The following SPTA1 variants were observed in gnomAD, a reference collection of about 807,000 sequenced individuals.
The protein encoded by SPTA1 is spectrin alpha chain, erythrocytic 1.
In SPTA1, 177 loss-of-function variants were observed where a neutral mutation model predicts 324.7. That is an observed-to-expected ratio of 0.55 (90% CI 0.48 to 0.62). SPTA1 has a LOEUF of 0.62. SPTA1 is among the 20% of genes least tolerant of loss of function. The pLI is 0.00. For missense variants in SPTA1, 3,162 were observed against 2,883.6 expected, an observed-to-expected ratio of 1.10 and a Z score of -2.21; for synonymous variants, 1,195 against 1,041.3, an observed-to-expected ratio of 1.15 and a Z score of -2.84.
intron 42 of SPTA1, 146 bp downstream of exon 42, chr1:158,626,000 T>C (rs1650242175): frequency 1.5e-6 from 1 of 652,740 alleles, no homozygotes. Context: ...GAAAAAATAA[T>C]AATTAGGAAA....
At chr1:158,633,775 G>A (rs1273271042) in intron 39 of SPTA1, among the ~76,000 whole-genome samples, 1 of 152,076 alleles carries the variant, frequency 6.6e-6, no homozygotes, top group Non-Finnish European at 1.5e-5. Context: ...GCAGTGGGGT[G>A]CACATGCATG....
intron 42 of SPTA1, among the ~76,000 whole-genome samples, chr1:158,623,703 T>C (rs532542453): frequency 1.3e-5 from 2 of 152,360 alleles, no homozygotes; most frequent in African/African-American, 4.8e-5. Flanking sequence ...CCAGCCATGC[T>C]AAAATACGTC....
chr1:158,683,333 C>A (rs1654938503), intron 3 of SPTA1, 38 bp downstream of exon 3: 2 of 1,612,258 alleles, frequency 1.2e-6, no homozygotes, highest in South Asian at 1.1e-5. Context: ...ATAACATAAT[C>A]AATAATTGGA....
chr1:158,624,749 C>T (rs749313763), intron 42 of SPTA1, among the ~76,000 whole-genome samples: 2 of 152,096 alleles, frequency 1.3e-5, no homozygotes, highest in African/African-American at 2.4e-5. Flanking sequence ...ATTTTAGATG[C>T]CAAAACTGTA....
chr1:158,662,037 T>C (rs1399502240), intron 17 of SPTA1, among the ~76,000 whole-genome samples: 29 of 152,194 alleles, frequency 1.9e-4, no homozygotes, highest in Non-Finnish European at 2.9e-5. Flanking sequence ...CTCTAAACTT[T>C]CTTTCTTACT....
At chr1:158,632,806 G>A (rs923178534) in intron 39 of SPTA1, among the ~76,000 whole-genome samples, 6 of 150,838 alleles carry the variant, frequency 4.0e-5, no homozygotes, top group Non-Finnish European at 8.8e-5. Flanking sequence ...TTACTATATG[G>A]TTCAGTGATT....
chr1:158,681,751 G>A (rs1282604032), intron 3 of SPTA1, 84 bp from the exon 4 acceptor site: 2 of 1,578,520 alleles, frequency 1.3e-6, no homozygotes, highest in Non-Finnish European at 1.7e-6. Context: ...AAGAGACCTG[G>A]ATAAAAATTC....
chr1:158,636,819 A>G, intron 36 of SPTA1, 58 bp from the exon 37 acceptor site: 1 of 1,610,622 alleles, frequency 6.2e-7, no homozygotes, highest in East Asian at 2.2e-5. Context: ...GTCATCCTAC[A>G]GCAATAGCTT....
At chr1:158,677,971 G>T in intron 6 of SPTA1, 137 bp from the exon 7 acceptor site, 2 of 1,090,086 alleles carry the variant, frequency 1.8e-6, no homozygotes, top group Non-Finnish European at 2.7e-6. Context: ...CTAGCAAAAA[G>T]TAATATAAAA....
intron 36 of SPTA1, 140 bp from the exon 37 acceptor site, chr1:158,636,901 C>A: frequency 6.9e-7 from 1 of 1,444,306 alleles, no homozygotes; most frequent in East Asian, 2.3e-5. Context: ...TGCCAATGAC[C>A]AAAAATATAA....
chr1:158,654,758 A>T lies in SPTA1; in HGVS notation c.2899-10T>A, dbSNP rs1652706512. 1.2e-6 allele frequency: 2 copies of T among 1,613,250 alleles called. No homozygotes were observed. Among genetic ancestry groups the T allele is most frequent in the Non-Finnish European group, 1.7e-6 (2 of 1,179,890 alleles). On this transcript the variant is annotated splice_polypyrimidine_tract_variant and intron_variant, in intron 20 of 51. Transcript: ENST00000643759. The stretch of plus-strand genomic sequence containing the variant: ...GTGCAGCCTGTTGTTGCTGAATAAA[A>T]ACAGGAAGCAGGTGTCAGTCACGCA...
Position 158,656,551 on chromosome 1 carries a change from A to T in SPTA1, c.2898+13T>A, listed in dbSNP as rs1652839646. The T allele has an allele frequency of 6.2e-7, 1 of 1,607,790 alleles. No individual in the cohort carries two copies. On this transcript the variant is annotated intron_variant, in intron 20 of 51. Transcript: ENST00000643759. ...GGGAAGTGTGAATCCTGTCATCGCT[A>T]AGTTAGTCTTACCTGGCAGGCGTTT... is the stretch of plus-strand genomic sequence containing the variant.
At chr1:158,648,736 C>T (rs1557956492) in intron 25 of SPTA1, 83 bp from the exon 26 acceptor site, 2 of 1,459,712 alleles carry the variant, frequency 1.4e-6, no homozygotes, top group South Asian at 1.2e-5. Flanking sequence ...AAGTTATCAT[C>T]ACTACCACTC....
At position 158,639,766 on chromosome 1, in the gene SPTA1, A is replaced by T. The variant is rs577688088; in HGVS notation, c.4876-80T>A. The T allele has an allele frequency of 2.8e-3, 4,568 of 1,612,244 alleles. 9 individuals carry two copies. Among genetic ancestry groups the T allele is most frequent in the Non-Finnish European group, 3.4e-3 (4,023 of 1,179,228 alleles). ...AATAAGATCAGCAGCTATGTCCCCA[A>T]ACTTTTCCCAGGAAAATTCAAGGAA... On this transcript the variant is annotated intron_variant, in intron 34 of 51. Coordinates refer to ENST00000643759, the MANE Select transcript of SPTA1 (RefSeq NM_003126.4).
rs1651355300 is a variant in SPTA1 at position 158,639,388 on chromosome 1, G to A, written c.4980+194C>T. On this transcript the variant is annotated intron_variant, in intron 35 of 51. Coordinates refer to ENST00000643759, the MANE Select transcript of SPTA1 (RefSeq NM_003126.4). Reference sequence around the variant, plus strand: ...GGAATCTTAAAGTCTATAGTTTAGGGATAATTGATTATCAGTGACAGTTTT... The same window carrying A: ...GGAATCTTAAAGTCTATAGTTTAGGAATAATTGATTATCAGTGACAGTTTT... The A allele has an allele frequency of 9.5e-6, 6 of 631,562 alleles. No individual in the cohort carries two copies. The Admixed American group carries it at 1.3e-4, about 13-fold the overall frequency. 39.1% of individuals were successfully genotyped at this position (631,562 alleles called of 1,614,324 possible).
Position 158,627,717 on chromosome 1 carries a change from G to C in SPTA1, c.5572C>G (p.Leu1858Val), listed in dbSNP as rs3737515. Residue 1858 changes from leucine (L) to valine (V), a missense_variant, in exon 40 of 52, where the codon CTA becomes GTA. Coordinates refer to ENST00000643759, the MANE Select transcript of SPTA1 (RefSeq NM_003126.4). Reference sequence around the variant, plus strand: ...TTTTCCAAAGCTTCATGCTTCATTAGCAAGCTCTGCATAAATAAGTCGGTG... The same window carrying C: ...TTTTCCAAAGCTTCATGCTTCATTACCAAGCTCTGCATAAATAAGTCGGTG... ...GDTLAATQSL[L>V]MKHEALENDF... The C allele has an allele frequency of 0.27, 436,469 of 1,609,240 alleles. 60,931 individuals are homozygous for C. The highest frequency in any genetic ancestry group is 0.28 in the Non-Finnish European group (332,282 of 1,177,370).
At chr1:158,629,922 A>G (rs973424976) in intron 39 of SPTA1, among the ~76,000 whole-genome samples, 51 of 151,920 alleles carry the variant, frequency 3.4e-4, no homozygotes, top group African/African-American at 1.2e-3. Flanking sequence ...AATAAAATAT[A>G]TAAAAATAAA....
rs745528669 is a variant in SPTA1 at position 158,649,862 on chromosome 1, A to G, written c.3563T>C (p.Phe1188Ser). Residue 1188 changes from phenylalanine to serine, a missense_variant, in exon 25 of 52, where the codon TTT (phenylalanine) becomes TCT (serine). Transcript: ENST00000643759. ...TTAGAGTTATAATTATTACCTGTGA[A>G]ACACTTCAACAGCATGGGCACTGCC... ...LLGSAHAVEV[F>S]HREADDTKEQ... 2 of 1,613,344 alleles carry G rather than the reference A, an allele frequency of 1.2e-6. No homozygotes were observed. Among genetic ancestry groups the G allele is most frequent in the African/African-American group, 2.7e-5 (2 of 74,916 alleles).
intron 8 of SPTA1, among the ~76,000 whole-genome samples, chr1:158,675,929 G>C (rs1003141805): frequency 6.6e-6 from 1 of 152,134 alleles, no homozygotes; most frequent in Non-Finnish European, 1.5e-5. Context: ...GTGGTTGACT[G>C]CTGGTAACTG....
Sources: gnomAD v4.1 joint callset for allele counts (sites outside exome capture counted in the v4.1 genomes callset) on GRCh38, gnomAD v4.1.1 for gene constraint, MANE v1.5 for transcripts, NCBI Gene and HGNC (gene_info 2026-07-23, HGNC 2026-07-21) for gene names.